CCDC122: variants seen among roughly 807,000 people sequenced by gnomAD.
The protein encoded by CCDC122 is coiled-coil domain-containing protein 122.
CCDC122 carries 38 observed loss-of-function variants against 37.0 expected under a neutral mutation model. The ratio of observed to expected loss-of-function variants is 1.03; its 90% confidence interval spans 0.79 to 1.35. The LOEUF (loss-of-function observed/expected upper bound fraction) is 1.35, where lower values mean the gene tolerates loss of function less well. Ranked by LOEUF, CCDC122 falls within the 40% of genes most tolerant of loss-of-function variation. CCDC122 has a pLI of 0.00. For synonymous variants in CCDC122, 83 were observed against 95.6 expected (o/e 0.87, Z 0.77); for missense variants, 305 against 310.0 (o/e 0.98, Z 0.12).
intron 3 of CCDC122, 63 bp from the exon 4 acceptor site, chr13:43,868,866 T>A: frequency 1.5e-6 from 1 of 670,718 alleles, no homozygotes; most frequent in Non-Finnish European, 2.2e-6. Flanking sequence ...TTTAAGAAAG[T>A]TATGTTTCTT....
At chr13:43,847,943 T>G (rs1049495565) in intron 6 of CCDC122, among the ~76,000 whole-genome samples, 3 of 152,072 alleles carry the variant, frequency 2.0e-5, no homozygotes, top group Admixed American at 6.5e-5. Flanking sequence ...CACAGCTAAT[T>G]TTTGTATTTT....
rs1954015790 is a variant in CCDC122, at chr13:43,858,855, C to A, written c.598G>T (p.Glu200Ter). 1 of 1,408,410 alleles carries A rather than the reference C, an allele frequency of 7.1e-7. No individual in the cohort carries two copies. Among genetic ancestry groups the A allele is most frequent in the South Asian group, 1.4e-5 (1 of 71,786 alleles). The allele number at this position is 1,408,410 out of a possible 1,614,324, so 87.2% of individuals were successfully genotyped here. Reference sequence around the variant, plus strand: ...AAACAAGTTTTTTCAATGATAGATTCTTTTACAGTTATAATTTTATCCTTT... The same window carrying A: ...AAACAAGTTTTTTCAATGATAGATTATTTTACAGTTATAATTTTATCCTTT... ...NLKDKIITVK[E>*]SIIEKTCFLE... is the part of the protein sequence containing the mutation. Residue 200 changes from glutamate to a stop codon, truncating the protein, a stop_gained, in exon 6 of 7, where the codon GAA becomes TAA. Coordinates refer to ENST00000444614, the MANE Select transcript of CCDC122 (RefSeq NM_144974.5). LOFTEE classifies it high-confidence loss of function.
chr13:43,868,912 TCTAAA>T (rs1170408421), intron 3 of CCDC122, 109 bp from the exon 4 acceptor site: 1 of 579,204 alleles, frequency 1.7e-6, no homozygotes, highest in Non-Finnish European at 2.7e-6. Context: ...ACTTTTTCCT[TCTAAA>T]CTAAATTTAG....
chr13:43,865,534 A>G (rs923759528), intron 4 of CCDC122, among the ~76,000 whole-genome samples: 3 of 152,212 alleles, frequency 2.0e-5, no homozygotes, highest in Non-Finnish European at 2.9e-5. Context: ...GAGAATAACA[A>G]TAACAACAAA....
At chr13:43,854,285 G>A (rs1465493879) in intron 6 of CCDC122, 4 of 151,890 alleles carry the variant, frequency 2.6e-5, no homozygotes, top group African/African-American at 7.2e-5. Flanking sequence ...AATCAGAAAT[G>A]AGGAGGATAT....
Position 43,874,266 on chromosome 13 carries a change from C to G in CCDC122, c.-114+576G>C, listed in dbSNP as rs541015166. On this transcript the variant is annotated intron_variant, in intron 2 of 6. Transcript: ENST00000444614. ...TTATAAAATGGGAACAATATTAGTGCCTGCTTCATTAGGGTTATTGTGAAG... is the reference window on the plus strand; with the variant it reads ...TTATAAAATGGGAACAATATTAGTGGCTGCTTCATTAGGGTTATTGTGAAG... Among the ~76,000 whole-genome samples the G allele has an allele frequency of 3.3e-5, 5 of 152,218 alleles. 1 individual carries two copies. In the Middle Eastern group the frequency reaches 0.01, roughly 311 times the overall value.
chr13:43,861,719 A>G (rs533032800), intron 4 of CCDC122, among the ~76,000 whole-genome samples: 11 of 152,230 alleles, frequency 7.2e-5, no homozygotes, highest in Admixed American at 6.5e-5. Flanking sequence ...CTCAATTTTT[A>G]TCATCAGCTC....
rs1378284205 is a variant in CCDC122 at position 43,869,354 on chromosome 13, T to C, written c.23A>G (p.Lys8Arg). MSDNKERKSQGFPKEDNQ... is the reference protein window; with the variant it reads MSDNKERRSQGFPKEDNQ... ...ACCTTCTTTAGGAAATCCTTGACTC[T>C]TCCTTTCTTTGTTGTCTGACATTTT... Residue 8 changes from lysine to arginine, a missense_variant, in exon 3 of 7, where the codon AAG becomes AGG. Lys to Arg is a conservative substitution (Grantham distance 26). Transcript: ENST00000444614. 1.2e-6 allele frequency: 2 copies of C among 1,608,684 alleles called. No individual in the cohort carries two copies. The highest frequency in any genetic ancestry group is 1.7e-5 in the Admixed American group (1 of 59,568).
chr13:43,824,485 C>G (rs1415727289), intron 3 of CCDC122, among the ~76,000 whole-genome samples: 1 of 152,138 alleles, frequency 6.6e-6, no homozygotes, highest in Non-Finnish European at 1.5e-5. Context: ...CTTTTGTGGA[C>G]ATCAGCCTAG....
intron 3 of CCDC122, among the ~76,000 whole-genome samples, chr13:43,831,271 T>C (rs930762281): frequency 2.0e-5 from 3 of 152,134 alleles, no homozygotes; most frequent in Admixed American, 6.5e-5. Context: ...TTGCCAAGTA[T>C]GTGTGTAGGT....
chr13:43,868,997 G>C (rs1450858456), intron 3 of CCDC122, among the ~76,000 whole-genome samples, 194 bp from the exon 4 acceptor site: 1 of 151,964 alleles, frequency 6.6e-6, no homozygotes, highest in Non-Finnish European at 1.5e-5. Flanking sequence ...GCAATTCAAA[G>C]TTGCCTACTG....
At chr13:43,878,362 TAACA>T (rs761924642) in intron 1 of CCDC122, among the ~76,000 whole-genome samples, 3 of 152,162 alleles carry the variant, frequency 2.0e-5, no homozygotes, top group Non-Finnish European at 2.9e-5. Flanking sequence ...CGGGGCTCTT[TAACA>T]AATGACCAAA....
chr13:43,865,526 GAATAAC>G (rs1954249797), intron 4 of CCDC122, among the ~76,000 whole-genome samples: 1 of 151,926 alleles, frequency 6.6e-6, no homozygotes, highest in Non-Finnish European at 1.5e-5. Context: ...CACAATAAGA[GAATAAC>G]AATAACAACA....
rs550212328 is a variant in CCDC122 at position 43,876,939 on chromosome 13, C to T, written c.-199-2012G>A. On this transcript the variant is annotated intron_variant, in intron 1 of 6. Transcript: ENST00000444614. ...CATCCTGGCCAACATGGTGAAACCCCGTCTCTACTAAAAATACAAAAATTA... is the reference window on the plus strand; with the variant it reads ...CATCCTGGCCAACATGGTGAAACCCTGTCTCTACTAAAAATACAAAAATTA... Among the ~76,000 whole-genome samples the T allele has an allele frequency of 4.6e-5, 7 of 152,060 alleles. No homozygotes were observed. In the East Asian group the frequency reaches 7.7e-4, roughly 17 times the overall value.
chr13:43,826,328 T>C (rs761892615), intron 3 of CCDC122, among the ~76,000 whole-genome samples: 7 of 152,342 alleles, frequency 4.6e-5, no homozygotes, highest in African/African-American at 9.6e-5. Flanking sequence ...TGTGATGTAT[T>C]CACAATTAAA....
chr13:43,837,199 A>T lies in CCDC122; in HGVS notation c.*81T>A. 7.2e-7 allele frequency: 1 copy of T among 1,383,570 alleles called. No individual in the cohort carries two copies. Among genetic ancestry groups the T allele is most frequent in the Non-Finnish European group, 9.9e-7 (1 of 1,014,940 alleles). 85.7% of individuals were successfully genotyped at this position (1,383,570 alleles called of 1,614,324 possible). On this transcript the variant is annotated 3_prime_UTR_variant, in exon 7 of 7. Transcript: ENST00000444614. Reference sequence around the variant, plus strand: ...CTCTAATAGTGGATGCTTGTTATTAAGAATCCAAAAGATTTTCTTAATGTT... The same window carrying T: ...CTCTAATAGTGGATGCTTGTTATTATGAATCCAAAAGATTTTCTTAATGTT...
At chr13:43,852,486 G>A (rs1158914199) in intron 6 of CCDC122, among the ~76,000 whole-genome samples, 2 of 152,086 alleles carry the variant, frequency 1.3e-5, no homozygotes, top group African/African-American at 4.8e-5. Flanking sequence ...ATTGAATTAT[G>A]TAAAGAGATC....
At chr13:43,847,651 A>G (rs1953587691) in intron 6 of CCDC122, among the ~76,000 whole-genome samples, 1 of 152,238 alleles carries the variant, frequency 6.6e-6, no homozygotes, top group South Asian at 2.1e-4. Flanking sequence ...ATTTAATAAC[A>G]TTGGACATTT....
downstream of CCDC122, among the ~76,000 whole-genome samples, chr13:43,832,111 A>T (rs995972501): frequency 7.3e-6 from 1 of 136,218 alleles, no homozygotes; most frequent in Admixed American, 7.9e-5. Context: ...CATTCCTTAC[A>T]TTGCCATATT....
Sources: gnomAD v4.1 joint callset for allele counts (sites outside exome capture counted in the v4.1 genomes callset) on GRCh38, gnomAD v4.1.1 for gene constraint, MANE v1.5 for transcripts, NCBI Gene and HGNC (gene_info 2026-07-23, HGNC 2026-07-21) for gene names.